Variants in MCM4 observed in about 807,000 individuals in gnomAD.
The protein encoded by MCM4 is minichromosome maintenance complex component 4.
In MCM4, 60 loss-of-function variants were observed where a neutral mutation model predicts 88.7. The observed-to-expected ratio is 0.68, with a 90% CI of 0.55 to 0.84. MCM4 has a LOEUF of 0.84. MCM4 is among the 40% of genes least tolerant of loss of function. MCM4 has a pLI of 0.00. For missense variants in MCM4, 1,149 were observed against 1,105.5 expected (o/e 1.04, Z -0.56); for synonymous variants, 465 against 410.5 (o/e 1.13, Z -1.61).
At chr8:47,970,150 T>G in intron 11 of MCM4, 93 bp downstream of exon 11, 1 of 1,426,426 alleles carries the variant, frequency 7.0e-7, no homozygotes, top group South Asian at 1.3e-5. Flanking sequence ...CCATCCGCCA[T>G]AAAGGACAGA....
chr8:47,966,450 T>C (rs2090899583), intron 9 of MCM4, 43 bp downstream of exon 9: 2 of 1,537,902 alleles, frequency 1.3e-6, no homozygotes, highest in East Asian at 2.4e-5. Context: ...TTTGCCTGTC[T>C]GTATCCTCAA....
chr8:47,974,600 A>G, intron 14 of MCM4, 134 bp from the exon 15 acceptor site: 1 of 710,986 alleles, frequency 1.4e-6, no homozygotes, highest in Non-Finnish European at 2.5e-6. Flanking sequence ...CTACCACTTG[A>G]TGAGCTCCGG....
In MCM4 at chr8:47,962,954, A is replaced by G; in HGVS notation, c.607A>G (p.Ile203Val). ...CATTTTTATTTTCTAGATTAATGTT[A>G]TTGGTGAGCCATTTTTAAATGTGAA... is the stretch of plus-strand genomic sequence containing the variant. ...YMQRLGEINVIGEPFLNVNCE... is the reference protein window; with the variant it reads ...YMQRLGEINVVGEPFLNVNCE... The change falls in exon 7 of 17, where the codon ATT becomes GTT. Residue 203 changes from isoleucine to valine, a missense_variant. By Grantham distance (29) the Ile-to-Val change is conservative (BLOSUM62 3). Around this residue, in one of 3 missense-constraint regions of MCM4, gnomAD observed 906 missense variants for 843.0 expected, o/e 1.07. Transcript: ENST00000649973. 1 of 1,598,184 alleles carries G rather than the reference A, an allele frequency of 6.3e-7. No homozygotes were observed. The highest frequency in any genetic ancestry group is 8.5e-7 in the Non-Finnish European group (1 of 1,173,700).
Position 47,961,214 on chromosome 8 carries a change from C to T in MCM4, c.70C>T (p.Pro24Ser). ...RRGRATPAQT[P>S]RSEDARSSPS... ...TGGAAGGGCCACCCCCGCCCAGACG[C>T]GTGAGTCCCCCGAGCCGGGCCCACT... Residue 24 changes from proline (P) to serine (S), a missense_variant and splice_region_variant, in exon 2 of 17, where the codon CCT becomes TCT. Around this residue, in one of 3 missense-constraint regions of MCM4, gnomAD observed 906 missense variants for 843.0 expected, o/e 1.07. Transcript: ENST00000649973. The T allele has an allele frequency of 6.6e-7, 1 of 1,511,318 alleles. No homozygotes were observed. Among genetic ancestry groups the T allele is most frequent in the Admixed American group, 2.0e-5 (1 of 49,124 alleles). 93.6% of individuals were successfully genotyped at this position (1,511,318 alleles called of 1,614,324 possible). A position where few individuals can be genotyped will look rare whatever the true frequency, so the allele number is the denominator to read the frequency against.
At chr8:47,964,248 A>T (rs2154505073) in intron 7 of MCM4, among the ~76,000 whole-genome samples, 2 of 152,278 alleles carry the variant, frequency 1.3e-5, no homozygotes, top group Middle Eastern at 3.4e-3. Flanking sequence ...AATAAATAAA[A>T]AACTTACTTT....
At position 47,966,369 on chromosome 8, in the gene MCM4, C is replaced by T; in HGVS notation, c.1015C>T (p.Leu339Phe). ...GRCHTTHSMA[L>F]IHNRSLFSDK... Reference sequence around the variant, plus strand: ...CTGCCACACCACCCACAGCATGGCACTCATCCACAACCGCTCCCTCTTCTC... The same window carrying T: ...CTGCCACACCACCCACAGCATGGCATTCATCCACAACCGCTCCCTCTTCTC... The change falls in exon 9 of 17, where the codon CTC becomes TTC. Residue 339 changes from leucine to phenylalanine, a missense_variant. This residue lies in a region of MCM4 where 906 missense variants were observed against 843.0 expected (regional missense o/e 1.07). Transcript: ENST00000649973. 1.2e-6 allele frequency: 2 copies of T among 1,613,718 alleles called. No homozygotes were observed. Among genetic ancestry groups the T allele is most frequent in the Non-Finnish European group, 8.5e-7 (1 of 1,179,834 alleles).
rs2090899187 is a variant in MCM4 at position 47,966,414 on chromosome 8, A to AG, written c.1053+8dup. The stretch of plus-strand genomic sequence containing the variant: ...CTTCTCTGACAAGCAGATGGTGCGC[A>AG]GCCACCCTGGCCCCCCAGGCTATGC... On this transcript the variant is annotated splice_region_variant and intron_variant, in intron 9 of 16. Transcript: ENST00000649973. 6.2e-7 allele frequency: 1 copy of AG among 1,600,978 alleles called. No individual in the cohort carries two copies.
chr8:47,966,311 C>T lies in MCM4; in HGVS notation c.957C>T (p.Arg319=), dbSNP rs752362010. Residue 319 remains arginine (R), a synonymous_variant, in exon 9 of 17, where the codon CGC becomes CGT. Transcript: ENST00000649973. ...CAHTTRVEMD[R]GRIAEPSVCG... The stretch of plus-strand genomic sequence containing the variant: ...ACACGACCCGGGTGGAGATGGACCG[C>T]GGCCGCATTGCAGAGCCCAGTGTGT... 16 of 1,613,944 alleles carry T rather than the reference C, an allele frequency of 9.9e-6. No homozygotes were observed. The highest frequency in any genetic ancestry group is 5.3e-5 in the African/African-American group (4 of 74,936).
Position 47,973,027 on chromosome 8 carries a change from C to CA in MCM4, c.2099_2100insA (p.Arg701AlafsTer4). 1 of 1,613,916 alleles carries CA rather than the reference C, an allele frequency of 6.2e-7. No individual in the cohort carries two copies. Among genetic ancestry groups the CA allele is most frequent in the Middle Eastern group, 1.7e-4 (1 of 5,956 alleles). ...GCCTACGCGCACAGCACCATCATGCCGCGGCTAAGTGAGGAAGCCAGCCAG... is the reference window on the plus strand; with the variant it reads ...GCCTACGCGCACAGCACCATCATGCCAGCGGCTAAGTGAGGAAGCCAGCCAG... On this transcript the variant is annotated frameshift_variant, in exon 14 of 17. Transcript: ENST00000649973. LOFTEE classifies it high-confidence loss of function.
At chr8:47,967,086 AC>A (rs531723469) in intron 9 of MCM4, among the ~76,000 whole-genome samples, 93 of 152,300 alleles carry the variant, frequency 6.1e-4, no homozygotes, top group African/African-American at 2.2e-3. Context: ...CTCAGAGGGT[AC>A]CTGGTTTGGA....
intron 10 of MCM4, 120 bp downstream of exon 10, chr8:47,967,605 C>T: frequency 7.7e-7 from 1 of 1,298,538 alleles, no homozygotes; most frequent in Non-Finnish European, 1.1e-6. Context: ...CACTGCTTGT[C>T]TTTGAGACTG....
At position 47,962,061 on chromosome 8, in the gene MCM4, C is replaced by G; in HGVS notation, c.244C>G (p.Leu82Val). 4 of 1,614,056 alleles carry G rather than the reference C, an allele frequency of 2.5e-6. No individual in the cohort carries two copies. The highest frequency in any genetic ancestry group is 3.4e-6 in the Non-Finnish European group (4 of 1,179,984). The change falls in exon 4 of 17, where the codon CTT becomes GTT. Residue 82 changes from leucine (L) to valine (V), a missense_variant. By Grantham distance (32) the Leu-to-Val change is conservative. This residue lies in a region of MCM4 where 906 missense variants were observed against 843.0 expected (regional missense o/e 1.07). Transcript: ENST00000649973. ...PPQMHSSAIP[L>V]DFDVSSPLTY... ...TAATTTTGTTTTTATAGCTATCCCT[C>G]TTGACTTTGATGTTAGTTCACCACT... is the stretch of plus-strand genomic sequence containing the variant.
Position 47,972,837 on chromosome 8 carries a change from T to C in MCM4, c.1929-20T>C. 6.2e-7 allele frequency: 1 copy of C among 1,610,190 alleles called. No individual in the cohort carries two copies. The highest frequency in any genetic ancestry group is 2.2e-5 in the East Asian group (1 of 44,824). On this transcript the variant is annotated intron_variant, in intron 13 of 16. Coordinates refer to ENST00000649973, the MANE Select transcript of MCM4 (RefSeq NM_182746.3). The stretch of plus-strand genomic sequence containing the variant: ...CTCACAAGGTGCTGGAAAAACAGTA[T>C]TTTTACTTTGTTTTCTTAGGTTTGA...
chr8:47,974,886 C>A lies in MCM4; in HGVS notation c.2289C>A (p.Arg763=), dbSNP rs773864221. 1.2e-6 allele frequency: 2 copies of A among 1,614,210 alleles called. No individual in the cohort carries two copies. Among genetic ancestry groups the A allele is most frequent in the Non-Finnish European group, 1.7e-6 (2 of 1,180,040 alleles). Residue 763 remains arginine, a synonymous_variant, in exon 15 of 17, where the codon CGC becomes CGA. Coordinates refer to ENST00000649973, the MANE Select transcript of MCM4 (RefSeq NM_182746.3). ...VEAIDVEEAK[R]LHREALKQSA... ...CCATTGATGTGGAAGAGGCCAAACG[C>A]CTCCATCGGGAAGCTCTGAAGCAGT...
chr8:47,970,047 A>T lies in MCM4; in HGVS notation c.1424A>T (p.Asp475Val). ...ALAPSIYEHE[D>V]IKKGILLQLF... ...GCTCCAAGCATTTATGAACATGAAG[A>T]TATAAAGAAGGTAACAGTGGATTTT... is the stretch of plus-strand genomic sequence containing the variant. Residue 475 changes from aspartate to valine, a missense_variant, in exon 11 of 17, where the codon GAT (aspartate) becomes GTT (valine). Coordinates refer to ENST00000649973, the MANE Select transcript of MCM4 (RefSeq NM_182746.3). 1 of 1,613,656 alleles carries T rather than the reference A, an allele frequency of 6.2e-7. No homozygotes were observed. Among genetic ancestry groups the T allele is most frequent in the Non-Finnish European group, 8.5e-7 (1 of 1,179,798 alleles).
rs1163747628 is a variant in MCM4, at chr8:47,970,500, T to C, written c.1435-11T>C. On this transcript the variant is annotated splice_polypyrimidine_tract_variant and intron_variant, in intron 11 of 16. Coordinates refer to ENST00000649973, the MANE Select transcript of MCM4 (RefSeq NM_182746.3). ...GAAAATGAATGTTTAGACATGTCTC[T>C]GATTATTTAGGGAATTTTGCTTCAG... 1.9e-6 allele frequency: 3 copies of C among 1,587,626 alleles called. No individual in the cohort carries two copies. The South Asian group carries it at 3.4e-5, about 18-fold the overall frequency.
In MCM4 at chr8:47,973,043, A is replaced by G; in HGVS notation, c.2115A>G (p.Glu705=). ...CCATCATGCCGCGGCTAAGTGAGGA[A>G]GCCAGCCAGGCTCTCATCGAGGTAA... ...HSTIMPRLSE[E]ASQALIEAYV... The change falls in exon 14 of 17, where the codon GAA becomes GAG. Residue 705 remains glutamate, a synonymous_variant. Transcript: ENST00000649973. 1 of 1,613,764 alleles carries G rather than the reference A, an allele frequency of 6.2e-7. No homozygotes were observed. The highest frequency in any genetic ancestry group is 8.5e-7 in the Non-Finnish European group (1 of 1,179,988).
Position 47,961,987 on chromosome 8 carries a change from A to C in MCM4, c.236-66A>C, listed in dbSNP as rs1318827886. On this transcript the variant is annotated intron_variant, in intron 3 of 16. Coordinates refer to ENST00000649973, the MANE Select transcript of MCM4 (RefSeq NM_182746.3). ...CTGTTGCGATTAGATGGTATAGATCAACAGACAACATGCTGTAATTTCAGG... is the reference window on the plus strand; with the variant it reads ...CTGTTGCGATTAGATGGTATAGATCCACAGACAACATGCTGTAATTTCAGG... 4 of 1,457,910 alleles carry C rather than the reference A, an allele frequency of 2.7e-6. No individual in the cohort carries two copies. The South Asian group carries it at 4.6e-5, about 17-fold the overall frequency. 90.3% of individuals were successfully genotyped at this position (1,457,910 alleles called of 1,614,324 possible). A position where few individuals can be genotyped will look rare whatever the true frequency, so the allele number is the denominator to read the frequency against.
At chr8:47,966,125 C>G in intron 8 of MCM4, 62 bp from the exon 9 acceptor site, 1 of 1,393,096 alleles carries the variant, frequency 7.2e-7, no homozygotes, top group Non-Finnish European at 1.0e-6. Flanking sequence ...TCTGTGATCC[C>G]AGCTATTCCT....
Sources: gnomAD v4.1 joint callset for allele counts (sites outside exome capture counted in the v4.1 genomes callset) on GRCh38, gnomAD v4.1.1 for gene constraint, gnomAD v4.1.1 regional missense constraint, MANE v1.5 for transcripts, NCBI Gene and HGNC (gene_info 2026-07-23, HGNC 2026-07-21) for gene names.